TXNDC16: variants seen among roughly 807,000 people sequenced by gnomAD.
TXNDC16 encodes the protein thioredoxin domain containing 16.
In TXNDC16, 74 loss-of-function variants were observed where a neutral mutation model predicts 85.6. The ratio of observed to expected loss-of-function variants is 0.86; its 90% CI spans 0.72 to 1.05. The LOEUF is 1.05. Ranked by LOEUF, TXNDC16 falls within the 50% of genes least tolerant of loss-of-function variation. The pLI is 0.00. For synonymous variants in TXNDC16, 335 were observed against 326.5 expected (o/e 1.03, Z -0.28); for missense variants, 959 against 947.0 (o/e 1.01, Z -0.17).
intron 6 of TXNDC16, among the ~76,000 whole-genome samples, chr14:52,530,406 A>AT (rs1264300716): frequency 2.4e-4 from 1 of 4,230 alleles, no homozygotes; most frequent in African/African-American, 1.6e-3. Flanking sequence ...TATAATATAT[A>AT]ATTATTATAT....
At chr14:52,468,835 T>A in intron 16 of TXNDC16, among the ~76,000 whole-genome samples, 1 of 151,296 alleles carries the variant, frequency 6.6e-6, no homozygotes, top group East Asian at 1.9e-4. Flanking sequence ...TGTGATTGTG[T>A]CACTGTACTC....
At chr14:52,539,691 G>T (rs1310888918) in intron 4 of TXNDC16, among the ~76,000 whole-genome samples, 1 of 152,184 alleles carries the variant, frequency 6.6e-6, no homozygotes, top group Admixed American at 6.5e-5. Flanking sequence ...GAAGTGGTCA[G>T]ATTTGAAAAG....
intron 18 of TXNDC16, among the ~76,000 whole-genome samples, chr14:52,453,574 G>C (rs1357570024): frequency 1.3e-5 from 2 of 152,170 alleles, no homozygotes; most frequent in Admixed American, 1.3e-4. Flanking sequence ...GATAAGCCAG[G>C]CACAGAAAGA....
chr14:52,454,322 A>G (rs1026760898), intron 18 of TXNDC16, among the ~76,000 whole-genome samples: 2 of 151,944 alleles, frequency 1.3e-5, no homozygotes, highest in Admixed American at 6.6e-5. Context: ...GCTACTTGGG[A>G]AGCTGAAGCA....
At chr14:52,461,576 C>A (rs1018916719) in intron 16 of TXNDC16, among the ~76,000 whole-genome samples, 1 of 152,178 alleles carries the variant, frequency 6.6e-6, no homozygotes, top group Non-Finnish European at 1.5e-5. Context: ...ACCCATGTGG[C>A]ACCTGATGCC....
At chr14:52,501,076 C>T (rs778874091) in intron 9 of TXNDC16, among the ~76,000 whole-genome samples, 4 of 152,118 alleles carry the variant, frequency 2.6e-5, no homozygotes, top group Non-Finnish European at 4.4e-5. Flanking sequence ...AATAATACAT[C>T]TAAAACAACT....
At position 52,464,723 on chromosome 14, in the gene TXNDC16, G is replaced by C. The variant is rs184778890; in HGVS notation, c.1618+5314C>G. 3.4e-3 allele frequency among the ~76,000 whole-genome samples: 511 copies of C among 152,214 alleles called. 11 individuals are homozygous for C. The highest frequency in any genetic ancestry group is 2.1e-3 in the Non-Finnish European group (142 of 68,000). On this transcript the variant is annotated intron_variant, in intron 16 of 20. Transcript: ENST00000281741. ...CAGGTGGGCAGATCACTACAGGCCA[G>C]GAGTTTGAGACCAGCCTGGCCAACA...
In TXNDC16 at chr14:52,462,870, G is replaced by C. The variant is rs190516158; in HGVS notation, c.1619-5696C>G. On this transcript the variant is annotated intron_variant, in intron 16 of 20. Coordinates refer to ENST00000281741, the MANE Select transcript of TXNDC16 (RefSeq NM_020784.3). ...TGTAGGTAGTTGTAGCCAGAAAGTGGAGTACTCAGTTCTTCAGAAATTAAG... is the reference window on the plus strand; with the variant it reads ...TGTAGGTAGTTGTAGCCAGAAAGTGCAGTACTCAGTTCTTCAGAAATTAAG... 3.1e-5 allele frequency: 14 copies of C among 448,346 alleles called. No homozygotes were observed. The East Asian group carries it at 9.1e-4, about 29-fold the overall frequency. The allele number at this position is 448,346 out of a possible 1,614,324, so 27.8% of individuals were successfully genotyped here. A position where few individuals can be genotyped will look rare whatever the true frequency, so the allele number is the denominator to read the frequency against.
chr14:52,542,432 A>T lies in TXNDC16; in HGVS notation c.182T>A (p.Phe61Tyr). The T allele has an allele frequency of 6.2e-7, 1 of 1,612,668 alleles. No homozygotes were observed. The highest frequency in any genetic ancestry group is 8.5e-7 in the Non-Finnish European group (1 of 1,179,226). Residue 61 changes from phenylalanine (F) to tyrosine (Y), a missense_variant, in exon 4 of 21, where the codon TTT (phenylalanine) becomes TAT (tyrosine). Phe to Tyr is a conservative substitution (Grantham distance 22). Transcript: ENST00000281741. Reference protein sequence around the residue: ...CQADSPRTSVFLEELNEAVRP... With the variant: ...CQADSPRTSVYLEELNEAVRP... ...AACAGCCTCATTCAGTTCTTCAAGA[A>T]ATACAGATGTTCTTGGGGAATCTAA... is the stretch of plus-strand genomic sequence containing the variant.
intron 1 of TXNDC16, among the ~76,000 whole-genome samples, chr14:52,551,862 A>G (rs111788293): frequency 1.7e-4 from 26 of 152,298 alleles, no homozygotes; most frequent in African/African-American, 5.8e-4. Context: ...TCTCCAGGCA[A>G]TCATCATACT....
At chr14:52,456,139 T>C (rs2140116086) in intron 17 of TXNDC16, among the ~76,000 whole-genome samples, 1 of 152,342 alleles carries the variant, frequency 6.6e-6, no homozygotes, top group East Asian at 1.9e-4. Flanking sequence ...TCATGTATAA[T>C]AACTTAATTC....
chr14:52,469,432 A>G (rs1016308855), intron 16 of TXNDC16, among the ~76,000 whole-genome samples: 1 of 152,214 alleles, frequency 6.6e-6, no homozygotes, highest in Non-Finnish European at 1.5e-5. Context: ...CATGAAGAAT[A>G]TCAATACATC....
At chr14:52,489,846 A>AT (rs1048112661) in intron 11 of TXNDC16, among the ~76,000 whole-genome samples, 3 of 151,938 alleles carry the variant, frequency 2.0e-5, no homozygotes, top group Non-Finnish European at 4.4e-5. Context: ...TATCTTGTTT[A>AT]TTTTTTTGAG....
Position 52,542,409 on chromosome 14 carries a change from C to T in TXNDC16, c.205G>A (p.Val69Ile), listed in dbSNP as rs757458154. The T allele has an allele frequency of 6.2e-7, 1 of 1,612,734 alleles. No homozygotes were observed. The highest frequency in any genetic ancestry group is 8.5e-7 in the Non-Finnish European group (1 of 1,179,320). Reference protein sequence around the residue: ...SVFLEELNEAVRPLQDYGISV... With the variant: ...SVFLEELNEAIRPLQDYGISV... ...ATTCCATAGTCCTGCAGAGGTCTAACAGCCTCATTCAGTTCTTCAAGAAAT... is the reference window on the plus strand; with the variant it reads ...ATTCCATAGTCCTGCAGAGGTCTAATAGCCTCATTCAGTTCTTCAAGAAAT... Residue 69 changes from valine (V) to isoleucine (I), a missense_variant, in exon 4 of 21, where the codon GTT becomes ATT. Coordinates refer to ENST00000281741, the MANE Select transcript of TXNDC16 (RefSeq NM_020784.3).
chr14:52,458,845 T>C (rs898880409), intron 16 of TXNDC16, among the ~76,000 whole-genome samples: 3 of 152,234 alleles, frequency 2.0e-5, no homozygotes, highest in East Asian at 3.8e-4. Context: ...TACTTATGAA[T>C]ATGTCTCTTA....
At position 52,470,092 on chromosome 14, in the gene TXNDC16, G is replaced by A; in HGVS notation, c.1563C>T (p.Leu521=). ...EYLSGELYKD[L]ILYSSVSVLG... Reference sequence around the variant, plus strand: ...ATACTGACACACTAGAATACAAGATGAGGTCTTTATATAATTCCCCACTTA... The same window carrying A: ...ATACTGACACACTAGAATACAAGATAAGGTCTTTATATAATTCCCCACTTA... Residue 521 remains leucine, a synonymous_variant, in exon 16 of 21, where the codon CTC becomes CTT. Coordinates refer to ENST00000281741, the MANE Select transcript of TXNDC16 (RefSeq NM_020784.3). The A allele has an allele frequency of 6.2e-7, 1 of 1,611,206 alleles. No homozygotes were observed. Among genetic ancestry groups the A allele is most frequent in the Non-Finnish European group, 8.5e-7 (1 of 1,178,500 alleles).
At chr14:52,475,396 T>G (rs2035998773) in intron 14 of TXNDC16, among the ~76,000 whole-genome samples, 2 of 152,204 alleles carry the variant, frequency 1.3e-5, no homozygotes, top group African/African-American at 2.4e-5. Flanking sequence ...TACTTATTTT[T>G]GCAGCTGGGA....
At chr14:52,494,033 G>A (rs1035424969) in intron 9 of TXNDC16, among the ~76,000 whole-genome samples, 39 of 151,784 alleles carry the variant, frequency 2.6e-4, no homozygotes, top group African/African-American at 9.4e-4. Context: ...CACCCACCTT[G>A]GCCTCCCAAA....
intron 6 of TXNDC16, among the ~76,000 whole-genome samples, chr14:52,525,781 C>T (rs1386338098): frequency 6.7e-6 from 1 of 150,262 alleles, no homozygotes; most frequent in East Asian, 1.9e-4. Flanking sequence ...TTTCTAAATA[C>T]AATCATCTCT....
Sources: allele counts gnomAD v4.1 joint callset (sites outside exome capture counted in the v4.1 genomes callset), GRCh38; gene constraint gnomAD v4.1.1; transcripts MANE v1.5; gene names NCBI Gene and HGNC (gene_info 2026-07-23, HGNC 2026-07-21).